Variants in ETFA observed in about 807,000 individuals in gnomAD.
ETFA encodes electron transfer flavoprotein subunit alpha, mitochondrial.
A neutral mutation model predicts 46.2 loss-of-function variants in ETFA; 22 were observed. The ratio of observed to expected loss-of-function variants is 0.48; its 90% CI spans 0.34 to 0.68. The LOEUF is 0.68. Among genes scored for constraint, ETFA ranks in the 30% least tolerant of loss-of-function variants. The pLI is 0.01. For missense variants in ETFA, 345 were observed against 401.1 expected, an observed-to-expected ratio of 0.86 and a Z score of 1.19; for synonymous variants, 131 against 139.9, an observed-to-expected ratio of 0.94 and a Z score of 0.45.
chr15:76,242,315 T>G (rs2039200848), intron 9 of ETFA, among the ~76,000 whole-genome samples: 1 of 152,212 alleles, frequency 6.6e-6, no homozygotes, highest in Non-Finnish European at 1.5e-5. Flanking sequence ...CACCCAAACC[T>G]AGGTCTCCTG....
At chr15:76,305,788 A>G (rs892392964) in intron 1 of ETFA, among the ~76,000 whole-genome samples, 3 of 151,976 alleles carry the variant, frequency 2.0e-5, no homozygotes, top group Admixed American at 2.0e-4. Context: ...ATCTTTCCAA[A>G]GTCACCAAAA....
intron 9 of ETFA, among the ~76,000 whole-genome samples, chr15:76,268,424 A>G (rs1596209571): frequency 6.6e-6 from 1 of 152,188 alleles, no homozygotes; most frequent in Non-Finnish European, 1.5e-5. Flanking sequence ...AGGACCAACC[A>G]GAGTCATGCT....
At chr15:76,259,397 AAGG>A (rs1490249184) in intron 9 of ETFA, 1 of 1,394,486 alleles carries the variant, frequency 7.2e-7, no homozygotes, top group Non-Finnish European at 1.0e-6. Flanking sequence ...CTGAAGGCCT[AAGG>A]AGACCTTGGC....
intron 11 of ETFA, among the ~76,000 whole-genome samples, chr15:76,221,001 T>C (rs1315166837): frequency 6.6e-6 from 1 of 152,114 alleles, no homozygotes; most frequent in Non-Finnish European, 1.5e-5. Flanking sequence ...AATGAAAACA[T>C]AGGTCTGCAC....
rs1487209186 is a variant in ETFA, at chr15:76,215,818, ATAACATCAAAC to A, written c.*730_*740del. ...CTGCACAGGATTTTGAATGTTTATA[ATAACATCAAAC>A]TATCTGCTTGCATCAGAGGCCATGC... On this transcript the variant is annotated 3_prime_UTR_variant, in exon 12 of 12. Transcript: ENST00000557943. 1 of 152,228 alleles carries A rather than the reference ATAACATCAAAC, an allele frequency of 6.6e-6. No homozygotes were observed. Among genetic ancestry groups the A allele is most frequent in the Non-Finnish European group, 1.5e-5 (1 of 68,086 alleles). 9.4% of individuals were successfully genotyped at this position (152,228 alleles called of 1,614,324 possible).
chr15:76,300,084 A>C (rs889797885), intron 1 of ETFA, among the ~76,000 whole-genome samples: 9 of 152,158 alleles, frequency 5.9e-5, no homozygotes, highest in Non-Finnish European at 1.3e-4. Context: ...GTTACTTGTT[A>C]TCTCAGCAAT....
intron 11 of ETFA, 33 bp from the exon 12 acceptor site, chr15:76,216,630 T>C (rs1156396476): frequency 1.4e-6 from 2 of 1,410,916 alleles, no homozygotes; most frequent in Non-Finnish European, 2.0e-6. Flanking sequence ...ATTAAGCAAC[T>C]AGAGCCTTCA....
intron 10 of ETFA, among the ~76,000 whole-genome samples, chr15:76,226,884 T>TAAAA (rs775072932): frequency 1.2e-3 from 184 of 151,894 alleles, no homozygotes; most frequent in Non-Finnish European, 1.7e-3. Flanking sequence ...GTCTCAAAAA[T>TAAAA]AAATAAATAA....
intron 9 of ETFA, among the ~76,000 whole-genome samples, chr15:76,250,700 AT>A (rs982001871): frequency 1.9e-3 from 270 of 144,206 alleles, no homozygotes; most frequent in African/African-American, 1.8e-3. Context: ...ACCCAACTAA[AT>A]TTTTTTTTTT....
intron 1 of ETFA, among the ~76,000 whole-genome samples, chr15:76,299,336 T>C (rs2039858579): frequency 6.6e-6 from 1 of 152,202 alleles, no homozygotes. Context: ...CAGTCTTGAA[T>C]ACAGTGGCAC....
At chr15:76,304,974 C>T (rs1473115014) in intron 1 of ETFA, among the ~76,000 whole-genome samples, 2 of 149,936 alleles carry the variant, frequency 1.3e-5, no homozygotes, top group Non-Finnish European at 3.0e-5. Flanking sequence ...ACCCAGGCAG[C>T]AGAGGCTGCA....
intron 6 of ETFA, 23 bp from the exon 7 acceptor site, chr15:76,285,761 A>G: frequency 7.8e-7 from 1 of 1,284,880 alleles, no homozygotes; most frequent in Non-Finnish European, 1.1e-6. Flanking sequence ...ATACATAATA[A>G]AACAATGACT....
chr15:76,288,794 T>TAA (rs1426051603), intron 4 of ETFA, among the ~76,000 whole-genome samples: 1 of 150,526 alleles, frequency 6.6e-6, no homozygotes, highest in African/African-American at 2.4e-5. Flanking sequence ...GCAACAAAAA[T>TAA]AAAATAAAGG....
In ETFA at chr15:76,310,286, AT is replaced by A. The variant is rs1362326331; in HGVS notation, c.39+1063del. Among the ~76,000 whole-genome samples the A allele has an allele frequency of 2.0e-5, 3 of 147,920 alleles. No homozygotes were observed. The East Asian group carries it at 6.0e-4, about 30-fold the overall frequency. ...AAACAAACAAACAAACAAAAGTCTA[AT>A]GTCTACAGACATCTAGAAAGAGCTC... On this transcript the variant is annotated intron_variant, in intron 1 of 11. Coordinates refer to ENST00000557943, the MANE Select transcript of ETFA (RefSeq NM_000126.4).
At chr15:76,238,355 T>A (rs1451409470) in intron 9 of ETFA, among the ~76,000 whole-genome samples, 2 of 152,210 alleles carry the variant, frequency 1.3e-5, no homozygotes, top group Non-Finnish European at 1.5e-5. Context: ...TGTTCCTTTC[T>A]AGATAGAGGT....
At chr15:76,285,831 C>T in intron 6 of ETFA, 93 bp from the exon 7 acceptor site, 1 of 853,886 alleles carries the variant, frequency 1.2e-6, no homozygotes, top group South Asian at 1.4e-5. Flanking sequence ...TATATAATTC[C>T]ACGAAATTTA....
intron 1 of ETFA, among the ~76,000 whole-genome samples, chr15:76,300,993 G>A (rs753400024): frequency 6.6e-6 from 1 of 152,100 alleles, no homozygotes; most frequent in Non-Finnish European, 1.5e-5. Context: ...AGCCAGCCAC[G>A]TTGCCTGGGT....
intron 1 of ETFA, among the ~76,000 whole-genome samples, chr15:76,306,327 C>T (rs972531554): frequency 2.2e-5 from 3 of 138,908 alleles, no homozygotes; most frequent in African/African-American, 5.3e-5. Flanking sequence ...AGTGCAGTGG[C>T]GCGATCTCAG....
intron 9 of ETFA, among the ~76,000 whole-genome samples, chr15:76,245,450 G>A (rs1001952710): frequency 1.1e-4 from 17 of 152,202 alleles, no homozygotes; most frequent in African/African-American, 4.1e-4. Context: ...TAGAAAGGCA[G>A]CCCATAAATT....
Sources: allele counts gnomAD v4.1 joint callset (sites outside exome capture counted in the v4.1 genomes callset), GRCh38; gene constraint gnomAD v4.1.1; transcripts MANE v1.5; gene names NCBI Gene and HGNC (gene_info 2026-07-23, HGNC 2026-07-21).